PDK1: variants seen among roughly 807,000 people sequenced by gnomAD.
PDK1 encodes the protein pyruvate dehydrogenase kinase 1.
PDK1 carries 39 observed loss-of-function variants against 54.2 expected under a neutral mutation model. That is an observed-to-expected ratio of 0.72 (90% confidence interval 0.56 to 0.94). The LOEUF (loss-of-function observed/expected upper bound fraction) is 0.94, where lower values mean the gene tolerates loss of function less well. Among genes scored for constraint, PDK1 ranks in the 40% least tolerant of loss-of-function variants. The probability of loss-of-function intolerance (pLI) is 0.00; values close to 1 mark genes in which losing one functional copy is unlikely to be tolerated. For synonymous variants in PDK1, 221 were observed against 207.1 expected (o/e 1.07, Z -0.58); for missense variants, 552 against 566.0 (o/e 0.98, Z 0.25).
the PDK1 span, among the ~76,000 whole-genome samples, chr2:172,651,247 G>T: frequency 6.6e-6 from 1 of 152,136 alleles, no homozygotes; most frequent in Non-Finnish European, 1.5e-5. Context: ...CGAAATGAAG[G>T]CATAAATAAA....
chr2:172,660,959 A>G, the PDK1 span, among the ~76,000 whole-genome samples: 1 of 152,154 alleles, frequency 6.6e-6, no homozygotes, highest in Non-Finnish European at 1.5e-5. Context: ...TGTAGATGGT[A>G]GTGATATAAA....
the PDK1 span, among the ~76,000 whole-genome samples, chr2:172,658,470 A>G: frequency 6.6e-6 from 1 of 152,198 alleles, no homozygotes; most frequent in African/African-American, 2.4e-5. Context: ...GAACAATATG[A>G]AATCAGTGCA....
the PDK1 span, among the ~76,000 whole-genome samples, chr2:172,617,721 CAT>C: frequency 1.3e-5 from 2 of 152,196 alleles, no homozygotes; most frequent in Non-Finnish European, 2.9e-5. Context: ...GCTTCCAACA[CAT>C]GAGTTAAGAG....
chr2:172,592,103 G>A (rs1400298677), intron 9 of PDK1, among the ~76,000 whole-genome samples: 1 of 152,240 alleles, frequency 6.6e-6, no homozygotes, highest in African/African-American at 2.4e-5. Context: ...GCTGGGTTAA[G>A]GATTTTTGAT....
the PDK1 span, among the ~76,000 whole-genome samples, chr2:172,720,751 C>G: frequency 6.6e-6 from 1 of 152,144 alleles, no homozygotes; most frequent in Non-Finnish European, 1.5e-5. Context: ...TTCTCTTTCT[C>G]TAGCTGTAAT....
chr2:172,677,256 G>T, the PDK1 span: 4 of 152,204 alleles, frequency 2.6e-5, no homozygotes, highest in African/African-American at 9.7e-5. Context: ...TTTGCAGCAA[G>T]TAGCATTTTT....
At chr2:172,699,477 A>ACT in the PDK1 span, among the ~76,000 whole-genome samples, 8 of 106,478 alleles carry the variant, frequency 7.5e-5, no homozygotes, top group Non-Finnish European at 1.4e-4. Context: ...ACCTCATCTG[A>ACT]CTTTTTTTTT....
At position 172,601,315 on chromosome 2, in the gene PDK1, T is replaced by A. The variant is rs1691108214; in HGVS notation, c.*5346T>A. 6.6e-6 allele frequency: 1 copy of A among 152,096 alleles called. No homozygotes were observed. 9.4% of individuals were successfully genotyped at this position (152,096 alleles called of 1,614,324 possible). On this transcript the variant is annotated 3_prime_UTR_variant, in exon 11 of 11. Transcript: ENST00000282077. ...GCACTGCTAAAGTTACGGGTTTATTTTAAAGTTTAAAATAGAAGTAAACAA... is the reference window on the plus strand; with the variant it reads ...GCACTGCTAAAGTTACGGGTTTATTATAAAGTTTAAAATAGAAGTAAACAA...
Position 172,601,924 on chromosome 2 carries a change from T to G in PDK1, c.*5955T>G, listed in dbSNP as rs1317557375. 6.6e-6 allele frequency: 1 copy of G among 152,184 alleles called. No individual in the cohort carries two copies. The allele number at this position is 152,184 out of a possible 1,614,324, so 9.4% of individuals were successfully genotyped here. A position where few individuals can be genotyped will look rare whatever the true frequency, so the allele number is the denominator to read the frequency against. ...CATTAACTTTATGATAAAAATTTTG[T>G]AAGTGGAGAAGAAATGGATATATTT... On this transcript the variant is annotated 3_prime_UTR_variant, in exon 11 of 11. Coordinates refer to ENST00000282077, the MANE Select transcript of PDK1 (RefSeq NM_002610.5).
intron 3 of PDK1, chr2:172,564,112 G>A (rs1688804552): frequency 4.2e-6 from 2 of 473,678 alleles, no homozygotes; most frequent in Non-Finnish European, 8.7e-6. Context: ...TTGCAGAGCA[G>A]AGCAGGTGTT....
the PDK1 span, among the ~76,000 whole-genome samples, chr2:172,621,773 ATG>A: frequency 3.4e-5 from 5 of 148,128 alleles, no homozygotes; most frequent in Non-Finnish European, 5.9e-5. Flanking sequence ...TATGTCATAT[ATG>A]TTTATATCTC....
rs1380826911 is a variant in PDK1 at position 172,608,467 on chromosome 2, A to G, written c.*12498A>G. Reference sequence around the variant, plus strand: ...GGATATGAAAGAACCTCCAGTTACTATGCAAGAAATTTTAAATTTCCATCA... The same window carrying G: ...GGATATGAAAGAACCTCCAGTTACTGTGCAAGAAATTTTAAATTTCCATCA... On this transcript the variant is annotated 3_prime_UTR_variant, in exon 11 of 11. Coordinates refer to ENST00000282077, the MANE Select transcript of PDK1 (RefSeq NM_002610.5). 2.0e-5 allele frequency: 3 copies of G among 152,224 alleles called. No individual in the cohort carries two copies. The highest frequency in any genetic ancestry group is 1.9e-4 in the East Asian group (1 of 5,204). 9.4% of individuals were successfully genotyped at this position (152,224 alleles called of 1,614,324 possible). A position where few individuals can be genotyped will look rare whatever the true frequency, so the allele number is the denominator to read the frequency against.
the PDK1 span, among the ~76,000 whole-genome samples, chr2:172,618,768 T>C: frequency 6.6e-6 from 1 of 152,170 alleles, no homozygotes; most frequent in Admixed American, 6.5e-5. Flanking sequence ...CTGACCAAAG[T>C]AAGAAGCTTT....
At chr2:172,643,993 T>C in the PDK1 span, among the ~76,000 whole-genome samples, 1 of 152,222 alleles carries the variant, frequency 6.6e-6, no homozygotes, top group Non-Finnish European at 1.5e-5. Context: ...TCCCCCATTA[T>C]ATGAAACTTG....
chr2:172,710,744 CAGGT>C, the PDK1 span, among the ~76,000 whole-genome samples: 1 of 152,228 alleles, frequency 6.6e-6, no homozygotes, highest in Non-Finnish European at 1.5e-5. Context: ...AAGCTACAGA[CAGGT>C]AGTTCTCAAC....
downstream of PDK1, among the ~76,000 whole-genome samples, chr2:172,610,741 G>A (rs1691435842): frequency 6.6e-6 from 1 of 152,136 alleles, no homozygotes; most frequent in Non-Finnish European, 1.5e-5. Context: ...CTCCCAAGTA[G>A]CTGAGATTAC....
At chr2:172,576,850 A>G (rs1489832377) in intron 8 of PDK1, among the ~76,000 whole-genome samples, 2 of 152,154 alleles carry the variant, frequency 1.3e-5, no homozygotes, top group Non-Finnish European at 2.9e-5. Flanking sequence ...GTATACATCT[A>G]TTGAGATTTG....
chr2:172,569,500 C>T (rs1689133681), intron 7 of PDK1, among the ~76,000 whole-genome samples: 1 of 152,078 alleles, frequency 6.6e-6, no homozygotes, highest in Non-Finnish European at 1.5e-5. Context: ...AATGATTGCC[C>T]TCTATCAGAA....
the PDK1 span, among the ~76,000 whole-genome samples, chr2:172,713,457 C>T: frequency 1.8e-4 from 27 of 152,186 alleles, no homozygotes; most frequent in Non-Finnish European, 3.1e-4. Flanking sequence ...CCTCCAGGCC[C>T]GTGCCGAGCT....
Sources: allele counts gnomAD v4.1 joint callset (sites outside exome capture counted in the v4.1 genomes callset), GRCh38; gene constraint gnomAD v4.1.1; transcripts MANE v1.5; gene names NCBI Gene and HGNC (gene_info 2026-07-23, HGNC 2026-07-21).